BMP5: variants seen among roughly 807,000 people sequenced by gnomAD.
BMP5 encodes the protein bone morphogenetic protein 5.
In BMP5, 23 loss-of-function variants were observed where a neutral mutation model predicts 46.6. The observed-to-expected ratio is 0.49, with a 90% confidence interval of 0.35 to 0.70. The LOEUF is 0.70. Among genes scored for constraint, BMP5 ranks in the 30% least tolerant of loss-of-function variants. BMP5 has a pLI of 0.00. For synonymous variants in BMP5, 204 were observed against 191.9 expected (o/e 1.06, Z -0.52); for missense variants, 545 against 565.6 (o/e 0.96, Z 0.37).
At chr6:55,867,606 G>A (rs1365866274) in intron 1 of BMP5, among the ~76,000 whole-genome samples, 3 of 152,082 alleles carry the variant, frequency 2.0e-5, no homozygotes, top group Admixed American at 2.0e-4. Context: ...ACGGGCAAGT[G>A]ACCTGCGCAG....
rs1275489148 is a variant in BMP5 at position 55,771,852 on chromosome 6, T to G, written c.1027+2197A>C. Among the ~76,000 whole-genome samples the G allele has an allele frequency of 2.6e-5, 4 of 152,060 alleles. No individual in the cohort carries two copies. The South Asian group carries it at 6.2e-4, about 24-fold the overall frequency. On this transcript the variant is annotated intron_variant, in intron 4 of 6. Transcript: ENST00000370830. ...TTGCACAATATCTTATTGTAAAATC[T>G]AGTTACTATTACAACTTTGTTATTT...
intron 1 of BMP5, among the ~76,000 whole-genome samples, chr6:55,830,774 CA>C: frequency 6.6e-6 from 1 of 152,042 alleles, no homozygotes; most frequent in East Asian, 1.9e-4. Flanking sequence ...ATTTAAGTCA[CA>C]TATTCTCCAA....
Position 55,768,957 on chromosome 6 carries a change from A to C in BMP5, c.1027+5092T>G, listed in dbSNP as rs372187220. 1.2e-3 allele frequency among the ~76,000 whole-genome samples: 179 copies of C among 152,086 alleles called. 4 individuals carry two copies. The South Asian group carries it at 0.036, about 31-fold the overall frequency. ...TCAATTAAGTGTGTAATTGGATTAT[A>C]TCTTTAAAAATGTACATACCTTAGT... On this transcript the variant is annotated intron_variant, in intron 4 of 6. Transcript: ENST00000370830.
chr6:55,753,826 A>G lies in BMP5; in HGVS notation c.*1707T>C, dbSNP rs761500600. The G allele has an allele frequency of 2.3e-4, 35 of 151,986 alleles. No individual in the cohort carries two copies. The highest frequency in any genetic ancestry group is 4.7e-4 in the Non-Finnish European group (32 of 67,926). The allele number at this position is 151,986 out of a possible 1,614,324, so 9.4% of individuals were successfully genotyped here. On this transcript the variant is annotated 3_prime_UTR_variant, in exon 7 of 7. Coordinates refer to ENST00000370830, the MANE Select transcript of BMP5 (RefSeq NM_021073.4). ...ATTTTGTATTCCTTTTAAATAAAGA[A>G]CCAAATCAAGAACAGCAGAAATTAG...
chr6:55,813,176 G>C (rs1393147616), intron 2 of BMP5, among the ~76,000 whole-genome samples: 3 of 152,004 alleles, frequency 2.0e-5, no homozygotes, highest in East Asian at 3.9e-4. Context: ...TCTATACCTG[G>C]CAGAAGTTGG....
chr6:55,826,397 A>G (rs1217968485), intron 1 of BMP5, among the ~76,000 whole-genome samples: 1 of 151,856 alleles, frequency 6.6e-6, no homozygotes, highest in Non-Finnish European at 1.5e-5. Flanking sequence ...ATATTCTACT[A>G]TAACTAAACA....
rs1298498748 is a variant in BMP5 at position 55,859,775 on chromosome 6, C to T, written c.490+14601G>A. 4.6e-5 allele frequency among the ~76,000 whole-genome samples: 7 copies of T among 152,210 alleles called. No homozygotes were observed. The East Asian group carries it at 1.4e-3, about 29-fold the overall frequency. On this transcript the variant is annotated intron_variant, in intron 1 of 6. Coordinates refer to ENST00000370830, the MANE Select transcript of BMP5 (RefSeq NM_021073.4). ...TCCAGAATGGCTTTTATAAACAGTC[C>T]TTCTCCATAAAGGAAAGTTTCTTCC...
intron 1 of BMP5, among the ~76,000 whole-genome samples, chr6:55,829,945 T>C (rs1776626951): frequency 6.6e-6 from 1 of 152,006 alleles, no homozygotes; most frequent in Non-Finnish European, 1.5e-5. Context: ...CTTTTTAAGG[T>C]ATTAAAAACA....
chr6:55,807,669 G>A (rs760868606), intron 2 of BMP5, among the ~76,000 whole-genome samples: 30 of 152,082 alleles, frequency 2.0e-4, no homozygotes, highest in African/African-American at 2.7e-4. Context: ...GGTAGAATCC[G>A]GCTGTTAATC....
intron 4 of BMP5, among the ~76,000 whole-genome samples, chr6:55,764,736 A>G (rs1193132156): frequency 6.6e-6 from 1 of 150,656 alleles, no homozygotes; most frequent in Non-Finnish European, 1.5e-5. Flanking sequence ...AAAAAAAAAG[A>G]TCTCCTGAAG....
At chr6:55,833,829 T>C (rs1261138916) in intron 1 of BMP5, among the ~76,000 whole-genome samples, 1 of 152,190 alleles carries the variant, frequency 6.6e-6, no homozygotes, top group African/African-American at 2.4e-5. Context: ...CATGGAATCC[T>C]AATGAATTTA....
intron 1 of BMP5, among the ~76,000 whole-genome samples, chr6:55,829,257 T>C (rs1683513071): frequency 6.6e-6 from 1 of 151,828 alleles, no homozygotes; most frequent in Non-Finnish European, 1.5e-5. Flanking sequence ...CTTACTACCG[T>C]ACACTCTTCC....
chr6:55,869,179 AC>A (rs1777720733), intron 1 of BMP5, among the ~76,000 whole-genome samples: 1 of 151,922 alleles, frequency 6.6e-6, no homozygotes, highest in African/African-American at 2.4e-5. Context: ...TACTGAGACA[AC>A]CCCCTCCTTC....
intron 3 of BMP5, among the ~76,000 whole-genome samples, chr6:55,778,720 A>T (rs1213216430): frequency 6.6e-6 from 1 of 152,080 alleles, no homozygotes; most frequent in Non-Finnish European, 1.5e-5. Context: ...TTATTAACTC[A>T]GTGAACAAAG....
chr6:55,811,388 C>T (rs1776131006), intron 2 of BMP5, among the ~76,000 whole-genome samples: 1 of 152,056 alleles, frequency 6.6e-6, no homozygotes. Flanking sequence ...TTCTACATAG[C>T]ACATTTTCTT....
At position 55,852,009 on chromosome 6, in the gene BMP5, T is replaced by G. The variant is rs1261700517; in HGVS notation, c.490+22367A>C. On this transcript the variant is annotated intron_variant, in intron 1 of 6. Coordinates refer to ENST00000370830, the MANE Select transcript of BMP5 (RefSeq NM_021073.4). The stretch of plus-strand genomic sequence containing the variant: ...TTGTATTAGCCCAAATTTTCATGCC[T>G]CCTATTCTATCCCCCCAAAGTATTG... Among the ~76,000 whole-genome samples, 5 of 152,258 alleles carry G rather than the reference T, an allele frequency of 3.3e-5. No individual in the cohort carries two copies. The East Asian group carries it at 9.7e-4, about 29-fold the overall frequency.
intron 3 of BMP5, among the ~76,000 whole-genome samples, chr6:55,778,545 C>T (rs1054261904): frequency 6.6e-6 from 1 of 151,620 alleles, no homozygotes; most frequent in Non-Finnish European, 1.5e-5. Context: ...TTTACAAAAA[C>T]AAAACAAAAC....
At chr6:55,850,730 A>G (rs1443840950) in intron 1 of BMP5, among the ~76,000 whole-genome samples, 1 of 152,132 alleles carries the variant, frequency 6.6e-6, no homozygotes, top group African/African-American at 2.4e-5. Flanking sequence ...TCTTTCATCA[A>G]ATATTTATTT....
intron 1 of BMP5, among the ~76,000 whole-genome samples, chr6:55,862,855 C>CT (rs1402413107): frequency 6.6e-6 from 1 of 152,140 alleles, no homozygotes; most frequent in Admixed American, 6.5e-5. Context: ...GACTAAAAGG[C>CT]TTCCATAGGT....
Sources: gnomAD v4.1 joint callset for allele counts (sites outside exome capture counted in the v4.1 genomes callset) on GRCh38, gnomAD v4.1.1 for gene constraint, MANE v1.5 for transcripts, NCBI Gene and HGNC (gene_info 2026-07-23, HGNC 2026-07-21) for gene names.